Variants in OR14I1 observed in about 807,000 individuals in gnomAD.
The protein encoded by OR14I1 is olfactory receptor 14I1.
For missense variants in OR14I1, 279 were observed against 181.8 expected (o/e 1.53, Z -3.07); for synonymous variants, 118 against 71.1 (o/e 1.66, Z -3.32).
chr1:248,681,258 T>C (rs148701712), downstream of OR14I1: 231 of 570,416 alleles, frequency 4.0e-4, 2 homozygotes, highest in African/African-American at 4.0e-3. Flanking sequence ...GTTTTTTTTT[T>C]CAGGATTTTT....
chr1:248,690,600 CAAAAAAAAA>C, the OR14I1 span, among the ~76,000 whole-genome samples: 70 of 51,518 alleles, frequency 1.4e-3, no homozygotes, highest in African/African-American at 4.2e-3. Context: ...GTCTACCAAC[CAAAAAAAAA>C]AAAAAAAAAA....
At chr1:248,690,061 G>A in the OR14I1 span, among the ~76,000 whole-genome samples, 8 of 152,152 alleles carry the variant, frequency 5.3e-5, no homozygotes, top group Admixed American at 2.0e-4. Flanking sequence ...CAGAATTTCC[G>A]GGACACAGCT....
the OR14I1 span, among the ~76,000 whole-genome samples, chr1:248,700,368 CA>C: frequency 6.6e-6 from 1 of 152,160 alleles, no homozygotes; most frequent in South Asian, 2.1e-4. Context: ...TATCAAATGT[CA>C]ATTGATATAA....
At chr1:248,701,091 GATATGACACT>G in the OR14I1 span, among the ~76,000 whole-genome samples, 1 of 152,070 alleles carries the variant, frequency 6.6e-6, no homozygotes, top group Non-Finnish European at 1.5e-5. Flanking sequence ...TTGGTAAAAA[GATATGACACT>G]ATATTGAAAT....
chr1:248,694,490 A>C, the OR14I1 span, among the ~76,000 whole-genome samples: 1 of 152,118 alleles, frequency 6.6e-6, no homozygotes, highest in African/African-American at 2.4e-5. Flanking sequence ...ACATATCCAA[A>C]TGCATCTTTT....
the OR14I1 span, among the ~76,000 whole-genome samples, chr1:248,695,653 C>T: frequency 2.0e-5 from 3 of 152,048 alleles, no homozygotes; most frequent in African/African-American, 7.2e-5. Context: ...GGCATGTGGG[C>T]GTCTCTAGTC....
the OR14I1 span, among the ~76,000 whole-genome samples, chr1:248,690,861 G>T: frequency 6.6e-6 from 1 of 151,796 alleles, no homozygotes; most frequent in African/African-American, 2.4e-5. Flanking sequence ...CTGGCAAACT[G>T]AATCCAGCAG....
exon 1 of OR14I1, chr1:248,682,261 AACT>A: frequency 1.3e-6 from 1 of 766,796 alleles, no homozygotes; most frequent in Non-Finnish European, 2.4e-6. Flanking sequence ...GATACCAGAA[AACT>A]CCATCAGCAG....
the OR14I1 span, among the ~76,000 whole-genome samples, chr1:248,688,147 T>G: frequency 6.6e-6 from 1 of 152,252 alleles, no homozygotes; most frequent in African/African-American, 2.4e-5. Context: ...GAGAAGACTG[T>G]GTAGAAAATT....
the OR14I1 span, among the ~76,000 whole-genome samples, chr1:248,687,446 T>C: frequency 6.6e-6 from 1 of 152,210 alleles, no homozygotes; most frequent in South Asian, 2.1e-4. Flanking sequence ...CAAATCTATT[T>C]GTTCCACAAC....
chr1:248,678,738 A>G (rs763981280), downstream of OR14I1, among the ~76,000 whole-genome samples: 3 of 152,202 alleles, frequency 2.0e-5, no homozygotes, highest in Non-Finnish European at 2.9e-5. Context: ...TTCTTTTTTT[A>G]GACAAGAGTT....
At chr1:248,696,528 A>G in the OR14I1 span, among the ~76,000 whole-genome samples, 1 of 152,226 alleles carries the variant, frequency 6.6e-6, no homozygotes, top group Non-Finnish European at 1.5e-5. Context: ...CAGATAGTGC[A>G]GAAGAAGCTA....
At chr1:248,678,619 T>G (rs1661514279), downstream of OR14I1, among the ~76,000 whole-genome samples, 1 of 152,248 alleles carries the variant, frequency 6.6e-6, no homozygotes, top group Non-Finnish European at 1.5e-5. Context: ...TAATTATAGT[T>G]GTTGTATGTG....
chr1:248,682,374 A>G (rs781710647), upstream of OR14I1: 5 of 656,942 alleles, frequency 7.6e-6, no homozygotes. Context: ...ACAAAAAGTG[A>G]ACACAGTGTG....
At chr1:248,680,428 C>A (rs28433149), downstream of OR14I1, among the ~76,000 whole-genome samples, 23,154 of 152,160 alleles carry the variant, frequency 0.15, 1,938 homozygotes, top group African/African-American at 0.21. Flanking sequence ...GACTCTTATC[C>A]TGAACCAACT....
rs768587782 is a variant in OR14I1, at chr1:248,681,498, AT to A, written c.806del (p.Asp269ValfsTer2). Reference sequence around the variant, plus strand: ...CTGTGTATGTCAGAGCAATCACTAAATCCTGAATGGACAGAGCTTTTGCAAT... The same window carrying A: ...CTGTGTATGTCAGAGCAATCACTAAACCTGAATGGACAGAGCTTTTGCAAT... On this transcript the variant is annotated frameshift_variant, in exon 1 of 1. Transcript: ENST00000342623. LOFTEE classifies it low-confidence loss of function (END_TRUNC). 2.6e-6 allele frequency: 2 copies of A among 781,078 alleles called. No homozygotes were observed. Among genetic ancestry groups the A allele is most frequent in the Non-Finnish European group, 4.8e-6 (2 of 418,122 alleles). The allele number at this position is 781,078 out of a possible 1,614,324, so 48.4% of individuals were successfully genotyped here.
the OR14I1 span, among the ~76,000 whole-genome samples, chr1:248,702,030 C>T: frequency 5.3e-5 from 8 of 152,080 alleles, no homozygotes; most frequent in East Asian, 1.9e-4. Context: ...GGAGAGCAAA[C>T]GGGAAGGTGC....
At chr1:248,702,594 G>A in the OR14I1 span, among the ~76,000 whole-genome samples, 1 of 151,954 alleles carries the variant, frequency 6.6e-6, no homozygotes, top group Non-Finnish European at 1.5e-5. Context: ...TAGCCCTTCT[G>A]TTCTCCCAGC....
chr1:248,680,458 C>G (rs1317326903), downstream of OR14I1, among the ~76,000 whole-genome samples: 1 of 152,138 alleles, frequency 6.6e-6, no homozygotes, highest in Non-Finnish European at 1.5e-5. Context: ...AGTGTTTCCA[C>G]GAATCCTCTT....
Sources: gnomAD v4.1 joint callset for allele counts (sites outside exome capture counted in the v4.1 genomes callset) on GRCh38, gnomAD v4.1.1 for gene constraint, MANE v1.5 for transcripts, NCBI Gene and HGNC (gene_info 2026-07-23, HGNC 2026-07-21) for gene names.